NRXN1: variants seen among roughly 807,000 people sequenced by gnomAD.
NRXN1 encodes neurexin-1.
In NRXN1, 39 loss-of-function variants were observed where a neutral mutation model predicts 150.9. The ratio of observed to expected loss-of-function variants is 0.26; its 90% CI spans 0.20 to 0.34. The LOEUF is 0.34. Ranked by LOEUF, NRXN1 falls within the 10% of genes least tolerant of loss-of-function variation. NRXN1 has a pLI of 1.00. For synonymous variants in NRXN1, 924 were observed against 757.0 expected, an observed-to-expected ratio of 1.22 and a Z score of -3.62; for missense variants, 1,815 against 1,949.9, an observed-to-expected ratio of 0.93 and a Z score of 1.30.
rs1438333470 is a variant in NRXN1 at position 50,859,820 on chromosome 2, A to G, written c.832+62049T>C. On this transcript the variant is annotated intron_variant, in intron 5 of 22. Coordinates refer to ENST00000401669, the MANE Select transcript of NRXN1 (RefSeq NM_001330078.2). ...TATTATATACACACACACATTATAT[A>G]CACACACACAATTATGTTTGTGTGT... Among the ~76,000 whole-genome samples the G allele has an allele frequency of 3.2e-5, 4 of 125,498 alleles. No homozygotes were observed. In the Admixed American group the frequency reaches 3.4e-4, roughly 11 times the overall value. The allele number at this position is 125,498 out of a possible 152,430, so 82.3% of individuals were successfully genotyped here.
intron 8 of NRXN1, among the ~76,000 whole-genome samples, chr2:50,577,317 C>A (rs1169564797): frequency 6.6e-6 from 1 of 151,632 alleles, no homozygotes; most frequent in Admixed American, 6.6e-5. Flanking sequence ...TAAAATAAGT[C>A]TCATCAACTG....
Position 50,725,859 on chromosome 2 carries a change from T to C in NRXN1, c.833-102244A>G, listed in dbSNP as rs138328970. On this transcript the variant is annotated intron_variant, in intron 5 of 22. Coordinates refer to ENST00000401669, the MANE Select transcript of NRXN1 (RefSeq NM_001330078.2). ...AAGCAAACCTCATTAATATTCAAGA[T>C]AATATTTGTAAAAATAAACTTTGAA... Among the ~76,000 whole-genome samples, 4 of 152,250 alleles carry C rather than the reference T, an allele frequency of 2.6e-5. No homozygotes were observed. The East Asian group carries it at 7.7e-4, about 29-fold the overall frequency.
chr2:50,209,044 C>G (rs1409984329), intron 18 of NRXN1, among the ~76,000 whole-genome samples: 1 of 151,910 alleles, frequency 6.6e-6, no homozygotes, highest in African/African-American at 2.4e-5. Context: ...AGCCTTAAGT[C>G]AAAAAAGTAT....
chr2:50,728,679 AAT>A (rs1052177173), intron 5 of NRXN1, among the ~76,000 whole-genome samples: 2 of 152,194 alleles, frequency 1.3e-5, no homozygotes, highest in Non-Finnish European at 2.9e-5. Context: ...CTGCCTGTTA[AAT>A]ATAGAGACAT....
chr2:50,014,446 T>G (rs561764287), intron 21 of NRXN1, among the ~76,000 whole-genome samples: 18 of 152,236 alleles, frequency 1.2e-4, no homozygotes, highest in Non-Finnish European at 2.1e-4. Flanking sequence ...GACTGACCTG[T>G]GCACTGTATG....
chr2:50,384,759 T>G (rs1286575013), intron 17 of NRXN1, among the ~76,000 whole-genome samples: 1 of 152,086 alleles, frequency 6.6e-6, no homozygotes, highest in Non-Finnish European at 1.5e-5. Flanking sequence ...AAAAAAATTA[T>G]TATTACTTTT....
chr2:50,660,044 C>A (rs1349904434), intron 5 of NRXN1, among the ~76,000 whole-genome samples: 1 of 151,926 alleles, frequency 6.6e-6, no homozygotes. Flanking sequence ...GCTTGGTGTT[C>A]AGGGGGCACT....
intron 5 of NRXN1, among the ~76,000 whole-genome samples, chr2:50,696,800 A>G (rs979201856): frequency 2.4e-4 from 37 of 152,290 alleles, no homozygotes; most frequent in African/African-American, 8.9e-4. Flanking sequence ...AGTTTCATAT[A>G]CTACCAGGAG....
chr2:50,133,602 T>G (rs763250388), intron 18 of NRXN1, among the ~76,000 whole-genome samples: 10 of 152,106 alleles, frequency 6.6e-5, no homozygotes, highest in Non-Finnish European at 1.3e-4. Flanking sequence ...AGTAAACTAG[T>G]TGTGTTCTGG....
chr2:50,620,124 G>T lies in NRXN1; in HGVS notation c.1218C>A (p.Thr406=), dbSNP rs768225503. Residue 406 remains threonine (T), a synonymous_variant, in exon 8 of 23, where the codon ACC becomes ACA. Coordinates refer to ENST00000401669, the MANE Select transcript of NRXN1 (RefSeq NM_001330078.2). ...TTTGYTQEDY[T]MLGSDDFFYV... ...AGAAAAAGTCATCAGACCCCAGCAT[G>T]GTATAATCTTCTTGCGTGTAGCCCG... 2.2e-5 allele frequency: 35 copies of T among 1,613,300 alleles called. No homozygotes were observed. The highest frequency in any genetic ancestry group is 2.7e-5 in the Non-Finnish European group (32 of 1,179,646).
At position 49,947,825 on chromosome 2, in the gene NRXN1, C is replaced by T. The variant is rs371059605; in HGVS notation, c.4129-4034G>A. Among the ~76,000 whole-genome samples the T allele has an allele frequency of 9.9e-5, 15 of 151,932 alleles. No homozygotes were observed. The East Asian group carries it at 2.3e-3, about 24-fold the overall frequency. The stretch of plus-strand genomic sequence containing the variant: ...GACAGCATAATAGTATCTATTGTTA[C>T]AAGGATGAAATTAGTACATGAAAAG... On this transcript the variant is annotated intron_variant, in intron 21 of 22. Transcript: ENST00000401669.
intron 5 of NRXN1, among the ~76,000 whole-genome samples, chr2:50,659,505 T>G (rs1278099084): frequency 6.6e-6 from 1 of 151,920 alleles, no homozygotes; most frequent in Non-Finnish European, 1.5e-5. Context: ...TCTATATAAA[T>G]GGAATGAATC....
At chr2:50,897,177 T>C (rs1682107732) in intron 5 of NRXN1, among the ~76,000 whole-genome samples, 1 of 152,218 alleles carries the variant, frequency 6.6e-6, no homozygotes, top group Non-Finnish European at 1.5e-5. Flanking sequence ...TCAAGTTGCT[T>C]AATCTCTGTG....
chr2:50,547,365 T>C (rs1376284349), intron 9 of NRXN1: 1 of 152,194 alleles, frequency 6.6e-6, no homozygotes, highest in East Asian at 1.9e-4. Context: ...GAGGGTACTT[T>C]GACTGAGCCA....
At chr2:50,018,335 A>G (rs1686984970) in intron 21 of NRXN1, among the ~76,000 whole-genome samples, 1 of 152,174 alleles carries the variant, frequency 6.6e-6, no homozygotes, top group Non-Finnish European at 1.5e-5. Flanking sequence ...TGCCTGTCAA[A>G]TTACCTTTCA....
Position 50,662,112 on chromosome 2 carries a change from C to T in NRXN1, c.833-38497G>A, listed in dbSNP as rs980798952. Among the ~76,000 whole-genome samples the T allele has an allele frequency of 2.0e-5, 3 of 152,046 alleles. No homozygotes were observed. The East Asian group carries it at 5.8e-4, about 29-fold the overall frequency. Reference sequence around the variant, plus strand: ...ATTCCTCTCAACAGGCACTGAAATGCTATAAACTAAACAAAATGTCCTTAC... The same window carrying T: ...ATTCCTCTCAACAGGCACTGAAATGTTATAAACTAAACAAAATGTCCTTAC... On this transcript the variant is annotated intron_variant, in intron 5 of 22. Transcript: ENST00000401669.
intron 18 of NRXN1, among the ~76,000 whole-genome samples, chr2:50,198,713 A>C (rs2152830865): frequency 6.6e-6 from 1 of 152,066 alleles, no homozygotes; most frequent in South Asian, 2.1e-4. Context: ...GGATCCTAAA[A>C]CCCCATTCTA....
At chr2:50,020,076 G>T (rs1049081764) in intron 21 of NRXN1, among the ~76,000 whole-genome samples, 1 of 150,992 alleles carries the variant, frequency 6.6e-6, no homozygotes, top group Non-Finnish European at 1.5e-5. Flanking sequence ...ATCTTAATAG[G>T]TGTATTTGTA....
At chr2:50,956,061 G>A (rs1692232146) in intron 2 of NRXN1, among the ~76,000 whole-genome samples, 1 of 152,056 alleles carries the variant, frequency 6.6e-6, no homozygotes, top group South Asian at 2.1e-4. Context: ...TGTCCAGTTA[G>A]TTCTTCCAGG....
Sources: allele counts gnomAD v4.1 joint callset (sites outside exome capture counted in the v4.1 genomes callset), GRCh38; gene constraint gnomAD v4.1.1; transcripts MANE v1.5; gene names NCBI Gene and HGNC (gene_info 2026-07-23, HGNC 2026-07-21).